METTL15: variants seen among roughly 807,000 people sequenced by gnomAD.
The protein encoded by METTL15 is 12S rRNA N(4)-cytidine methyltransferase METTL15.
A neutral mutation model predicts 38.3 loss-of-function variants in METTL15; 34 were observed. That is an observed-to-expected ratio of 0.89 (90% CI 0.68 to 1.18). METTL15 has a LOEUF of 1.18. Ranked by LOEUF, METTL15 falls within the 50% of genes most tolerant of loss-of-function variation. The probability of loss-of-function intolerance (pLI) is 0.00; values close to 1 mark genes in which losing one functional copy is unlikely to be tolerated. For synonymous variants in METTL15, 162 were observed against 170.9 expected (o/e 0.95, Z 0.41); for missense variants, 438 against 498.4 (o/e 0.88, Z 1.15).
rs145177436 is a variant in METTL15 at position 28,228,732 on chromosome 11, T to G, written c.407+17534T>G. On this transcript the variant is annotated intron_variant, in intron 4 of 6. Transcript: ENST00000407364. ...TACATTCCACATATATTGTTCATGT[T>G]GTATATTAAATATTCATTGAAGACA... is the stretch of plus-strand genomic sequence containing the variant. 5.3e-5 allele frequency among the ~76,000 whole-genome samples: 8 copies of G among 152,110 alleles called. No individual in the cohort carries two copies. The East Asian group carries it at 1.3e-3, about 26-fold the overall frequency.
At chr11:28,383,215 A>G (rs553777806) in intron 5 of METTL15, among the ~76,000 whole-genome samples, 3 of 151,966 alleles carry the variant, frequency 2.0e-5, no homozygotes, top group South Asian at 4.2e-4. Context: ...AGAACATGCG[A>G]TATTTTGTTT....
At chr11:28,247,504 G>T (rs1486029825) in intron 4 of METTL15, among the ~76,000 whole-genome samples, 1 of 152,000 alleles carries the variant, frequency 6.6e-6, no homozygotes, top group East Asian at 1.9e-4. Context: ...CCTTTCACTG[G>T]TTTATGAAAT....
chr11:28,269,173 G>A (rs1855545996), intron 4 of METTL15, among the ~76,000 whole-genome samples: 2 of 152,136 alleles, frequency 1.3e-5, no homozygotes, highest in Admixed American at 1.3e-4. Flanking sequence ...TGACGTCAGA[G>A]TAGCTATTTA....
At chr11:28,165,175 T>C (rs549242187) in intron 3 of METTL15, among the ~76,000 whole-genome samples, 1 of 152,284 alleles carries the variant, frequency 6.6e-6, no homozygotes, top group South Asian at 2.1e-4. Flanking sequence ...CTCTTTGATA[T>C]ATTGATTTCA....
chr11:28,528,320 GA>G (rs1466593035), downstream of METTL15, among the ~76,000 whole-genome samples: 1 of 152,152 alleles, frequency 6.6e-6, no homozygotes, highest in Non-Finnish European at 1.5e-5. Flanking sequence ...ACTCAGCAAC[GA>G]ACCAGCTGAT....
At chr11:28,266,727 A>T (rs1338888122) in intron 4 of METTL15, among the ~76,000 whole-genome samples, 1 of 152,188 alleles carries the variant, frequency 6.6e-6, no homozygotes, top group African/African-American at 2.4e-5. Flanking sequence ...TACCTGGATC[A>T]GTGCAACAGT....
rs890992730 is a variant in METTL15 at position 28,285,457 on chromosome 11, G to A, written c.408-4749G>A. On this transcript the variant is annotated intron_variant, in intron 4 of 6. Coordinates refer to ENST00000407364, the MANE Select transcript of METTL15 (RefSeq NM_001113528.2). ...TTTCGTCTTCCAGTGGCCCAGGGAA[G>A]CCAAAAGATTGGACACCCCTGCTTT... Among the ~76,000 whole-genome samples, 4 of 151,784 alleles carry A rather than the reference G, an allele frequency of 2.6e-5. No individual in the cohort carries two copies. The East Asian group carries it at 7.7e-4, about 29-fold the overall frequency.
At chr11:28,288,119 G>A (rs574046299) in intron 4 of METTL15, among the ~76,000 whole-genome samples, 58 of 152,184 alleles carry the variant, frequency 3.8e-4, no homozygotes, top group East Asian at 2.3e-3. Flanking sequence ...ATGAGATATC[G>A]CCTCACACCA....
At chr11:28,285,450 C>A (rs1856219090) in intron 4 of METTL15, among the ~76,000 whole-genome samples, 1 of 151,636 alleles carries the variant, frequency 6.6e-6, no homozygotes, top group Admixed American at 6.6e-5. Flanking sequence ...TCCAGTGGCC[C>A]AGGGAAGCCA....
chr11:28,334,208 C>T (rs1270658248), downstream of METTL15, among the ~76,000 whole-genome samples: 1 of 151,950 alleles, frequency 6.6e-6, no homozygotes, highest in Non-Finnish European at 1.5e-5. Context: ...CTTCTCTGTT[C>T]ACATTGGTAT....
chr11:28,264,697 T>C (rs200074961), intron 4 of METTL15, among the ~76,000 whole-genome samples: 150 of 152,264 alleles, frequency 9.9e-4, no homozygotes, highest in African/African-American at 3.5e-3. Flanking sequence ...TTTTGTACCC[T>C]CTTCACAGCC....
chr11:28,242,627 C>G (rs1854347809), intron 4 of METTL15, among the ~76,000 whole-genome samples: 1 of 152,084 alleles, frequency 6.6e-6, no homozygotes, highest in Non-Finnish European at 1.5e-5. Context: ...GTTTTATGGA[C>G]ACAACTCTTG....
At chr11:28,217,635 T>G (rs1231440805) in intron 4 of METTL15, among the ~76,000 whole-genome samples, 1 of 152,244 alleles carries the variant, frequency 6.6e-6, no homozygotes, top group Non-Finnish European at 1.5e-5. Flanking sequence ...TCCTTACCCA[T>G]GCCTATGTCC....
At chr11:28,376,931 C>A (rs1850321120) in intron 5 of METTL15, among the ~76,000 whole-genome samples, 1 of 131,796 alleles carries the variant, frequency 7.6e-6, no homozygotes, top group Non-Finnish European at 1.7e-5. Context: ...CTTAGTTTGG[C>A]TGGATATGAA....
intron 6 of METTL15, among the ~76,000 whole-genome samples, chr11:28,329,280 T>C (rs1849740360): frequency 6.6e-6 from 1 of 152,198 alleles, no homozygotes; most frequent in African/African-American, 2.4e-5. Context: ...GGTTTATTTC[T>C]TGACTCTCAA....
chr11:28,190,789 A>T (rs1008222362), intron 3 of METTL15, among the ~76,000 whole-genome samples: 14 of 151,450 alleles, frequency 9.2e-5, no homozygotes, highest in African/African-American at 3.4e-4. Context: ...GTAAATTAAT[A>T]CAAATTAAAA....
rs561429744 is a variant in METTL15 at position 28,240,254 on chromosome 11, A to C, written c.407+29056A>C. Reference sequence around the variant, plus strand: ...TCATTCAGCTGTTAAGTATCATGTAAAGATCAGCTATACTTTGTTCGTAAA... The same window carrying C: ...TCATTCAGCTGTTAAGTATCATGTACAGATCAGCTATACTTTGTTCGTAAA... On this transcript the variant is annotated intron_variant, in intron 4 of 6. Transcript: ENST00000407364. Among the ~76,000 whole-genome samples the C allele has an allele frequency of 3.3e-5, 5 of 152,338 alleles. No homozygotes were observed. The South Asian group carries it at 1.0e-3, about 32-fold the overall frequency.
intron 3 of METTL15, among the ~76,000 whole-genome samples, chr11:28,128,287 A>G (rs898517639): frequency 2.8e-4 from 42 of 152,142 alleles, no homozygotes; most frequent in African/African-American, 9.4e-4. Flanking sequence ...AGATTAATGC[A>G]TGTTGCTGTT....
chr11:28,352,316 AC>A (rs1850048299), intron 4 of METTL15, among the ~76,000 whole-genome samples: 4 of 151,952 alleles, frequency 2.6e-5, no homozygotes, highest in Admixed American at 2.6e-4. Context: ...TGACCTGTCT[AC>A]CCCCTAGCCT....
Sources: allele counts gnomAD v4.1 joint callset (sites outside exome capture counted in the v4.1 genomes callset), GRCh38; gene constraint gnomAD v4.1.1; transcripts MANE v1.5; gene names NCBI Gene and HGNC (gene_info 2026-07-23, HGNC 2026-07-21).